Variants in ANO7 observed in about 807,000 individuals in gnomAD.
ANO7 encodes anoctamin-7.
In ANO7, 114 loss-of-function variants were observed where a neutral mutation model predicts 115.8. That is an observed-to-expected ratio of 0.98 (90% CI 0.85 to 1.15). ANO7 has a LOEUF of 1.15. ANO7 is among the 50% of genes most tolerant of loss of function. ANO7 has a pLI of 0.00. For synonymous variants in ANO7, 550 were observed against 498.2 expected (o/e 1.10, Z -1.38); for missense variants, 1,302 against 1,201.2 (o/e 1.08, Z -1.24).
chr2:241,193,168 C>T (rs1008321854), intron 3 of ANO7, among the ~76,000 whole-genome samples: 10 of 151,968 alleles, frequency 6.6e-5, no homozygotes, highest in African/African-American at 2.2e-4. Context: ...TGCCTCCCTT[C>T]GCACCATTCT....
At position 241,225,254 on chromosome 2, in the gene ANO7, G is replaced by C. The variant is rs1475082554; in HGVS notation, c.*1101G>C. 1 of 152,176 alleles carries C rather than the reference G, an allele frequency of 6.6e-6. No individual in the cohort carries two copies. Among genetic ancestry groups the C allele is most frequent in the Non-Finnish European group, 1.5e-5 (1 of 68,062 alleles). 9.4% of individuals were successfully genotyped at this position (152,176 alleles called of 1,614,324 possible). On this transcript the variant is annotated 3_prime_UTR_variant, in exon 25 of 25. Coordinates refer to ENST00000674324, the MANE Select transcript of ANO7 (RefSeq NM_001370694.2). ...GAATATGTGGTTTTTAGCTGAGCGT[G>C]GTGGCTCACACCTGTAATCCCAGGA...
At chr2:241,229,363 C>CGAAT, downstream of ANO7, 1 of 449,112 alleles carries the variant, frequency 2.2e-6, no homozygotes, top group African/African-American at 2.0e-5. Context: ...TATCTTAGCA[C>CGAAT]GAATGCTCAT....
At chr2:241,198,551 C>A (rs1335050533) in intron 4 of ANO7, among the ~76,000 whole-genome samples, 3 of 152,154 alleles carry the variant, frequency 2.0e-5, no homozygotes, top group Non-Finnish European at 4.4e-5. Context: ...CTGCGGTCTG[C>A]AGGACAGTTC....
At chr2:241,217,087 C>T (rs7558650) in intron 19 of ANO7, among the ~76,000 whole-genome samples, 1,550 of 152,334 alleles carry the variant, frequency 0.01, 20 homozygotes, top group African/African-American at 0.034. Context: ...CCTGCCTCAG[C>T]CTCCCAAAGT....
At chr2:241,212,063 A>T in intron 15 of ANO7, 31 bp from the exon 16 acceptor site, 1 of 1,600,236 alleles carries the variant, frequency 6.2e-7, no homozygotes, top group Non-Finnish European at 8.6e-7. Flanking sequence ...TGACTCCCCC[A>T]GGGACTGAGC....
the ANO7 span, chr2:241,236,784 G>C: frequency 6.2e-7 from 1 of 1,612,774 alleles, no homozygotes; most frequent in East Asian, 2.2e-5. Flanking sequence ...AGAGAAAGGG[G>C]AAAAGGGACA....
intron 6 of ANO7, among the ~76,000 whole-genome samples, chr2:241,200,668 C>T (rs757093370): frequency 2.0e-5 from 3 of 152,250 alleles, no homozygotes; most frequent in African/African-American, 7.2e-5. Flanking sequence ...TACTACTGGA[C>T]AAAGCCAGTT....
chr2:241,192,462 C>G (rs921449663), intron 3 of ANO7, among the ~76,000 whole-genome samples: 1 of 152,158 alleles, frequency 6.6e-6, no homozygotes, highest in Non-Finnish European at 1.5e-5. Context: ...CTTTTGCAGA[C>G]GCGCCTTCTC....
Position 241,224,546 on chromosome 2 carries a change from CT to C in ANO7, c.*395del. 1 of 238,436 alleles carries C rather than the reference CT, an allele frequency of 4.2e-6. No individual in the cohort carries two copies. Among genetic ancestry groups the C allele is most frequent in the Non-Finnish European group, 8.3e-6 (1 of 119,986 alleles). 14.8% of individuals were successfully genotyped at this position (238,436 alleles called of 1,614,324 possible). ...GCCCTCTCCTCTTACACCTGGTGAC[CT>C]TCGAATGTTTCAGAGCGCAGGGCCG... is the stretch of plus-strand genomic sequence containing the variant. On this transcript the variant is annotated 3_prime_UTR_variant, in exon 25 of 25. Transcript: ENST00000674324.
the ANO7 span, chr2:241,240,091 G>A: frequency 1.2e-6 from 2 of 1,614,152 alleles, no homozygotes; most frequent in Non-Finnish European, 1.7e-6. The surrounding 1 kb of genome is among the most constrained non-coding windows in gnomAD (Gnocchi z 5.5). Context: ...TTCTGGCTTG[G>A]CGCGGATGTC....
intron 11 of ANO7, among the ~76,000 whole-genome samples, chr2:241,208,264 G>A (rs1187727698): frequency 6.6e-6 from 1 of 152,268 alleles, no homozygotes; most frequent in Admixed American, 6.5e-5. Context: ...ACTTAAAACA[G>A]CAGAAGCTTA....
intron 5 of ANO7, 72 bp downstream of exon 5, chr2:241,199,495 G>T: frequency 1.3e-6 from 2 of 1,499,370 alleles, no homozygotes; most frequent in Non-Finnish European, 1.8e-6. Context: ...AGCTGCCAGT[G>T]CCGACAGCCT....
rs769482681 is a variant in ANO7, at chr2:241,209,419, G to C, written c.1212G>C (p.Glu404Asp). Residue 404 changes from glutamate (E) to aspartate (D), a missense_variant, in exon 12 of 25, where the codon GAG becomes GAC. By Grantham distance (45) the Glu-to-Asp change is conservative. Coordinates refer to ENST00000674324, the MANE Select transcript of ANO7 (RefSeq NM_001370694.2). Reference protein sequence around the residue: ...LAYRWDCSDYEDTEERPRPQF... With the variant: ...LAYRWDCSDYDDTEERPRPQF... ...ACCGCTGGGACTGCTCTGACTACGAGGACACTGAGGTGAGCCACCCCCGCT... is the reference window on the plus strand; with the variant it reads ...ACCGCTGGGACTGCTCTGACTACGACGACACTGAGGTGAGCCACCCCCGCT... 4 of 1,591,480 alleles carry C rather than the reference G, an allele frequency of 2.5e-6. No individual in the cohort carries two copies. Among genetic ancestry groups the C allele is most frequent in the Non-Finnish European group, 3.4e-6 (4 of 1,170,176 alleles).
At chr2:241,213,886 CTGGGGATGGAG>C (rs1335643322) in intron 17 of ANO7, among the ~76,000 whole-genome samples, 3 of 152,224 alleles carry the variant, frequency 2.0e-5, no homozygotes, top group Non-Finnish European at 2.9e-5. Flanking sequence ...AAAGGGAAGG[CTGGGGATGGAG>C]TGGGGAGTGT....
At chr2:241,216,870 G>A (rs1050703727) in intron 19 of ANO7, among the ~76,000 whole-genome samples, 2 of 152,212 alleles carry the variant, frequency 1.3e-5, no homozygotes, top group Admixed American at 1.3e-4. Context: ...GTCTCCCTCT[G>A]TCGCCCAGGC....
chr2:241,232,590 A>G, the ANO7 span, among the ~76,000 whole-genome samples: 1 of 152,164 alleles, frequency 6.6e-6, no homozygotes, highest in African/African-American at 2.4e-5. Flanking sequence ...ATGACTTTTA[A>G]GATTGATAAT....
intron 11 of ANO7, 116 bp from the exon 12 acceptor site, chr2:241,209,167 TAC>T (rs2068660558): frequency 2.4e-6 from 3 of 1,247,812 alleles, no homozygotes; most frequent in Non-Finnish European, 3.2e-6. Flanking sequence ...AAACAAAAAA[TAC>T]ACAGTCGGGG....
At chr2:241,238,540 G>T in the ANO7 span, 1 of 906,012 alleles carries the variant, frequency 1.1e-6, no homozygotes, top group Non-Finnish European at 1.6e-6. The surrounding 1 kb of genome is among the most constrained non-coding windows in gnomAD (Gnocchi z 4.9). Context: ...TACATAGATG[G>T]TTTTCCAGCA....
Position 241,210,280 on chromosome 2 carries a change from T to C in ANO7, c.1360-15T>C, listed in dbSNP as rs775134920. On this transcript the variant is annotated splice_polypyrimidine_tract_variant and intron_variant, in intron 13 of 24. Coordinates refer to ENST00000674324, the MANE Select transcript of ANO7 (RefSeq NM_001370694.2). ...GACACCGTGAAGGGTCTCACGGGCC[T>C]CCCTGCCCCCGCAGGTGGCCGTGGT... 2 of 1,613,156 alleles carry C rather than the reference T, an allele frequency of 1.2e-6. No individual in the cohort carries two copies. Among genetic ancestry groups the C allele is most frequent in the African/African-American group, 2.7e-5 (2 of 74,916 alleles).
Sources: gnomAD v4.1 joint callset for allele counts (sites outside exome capture counted in the v4.1 genomes callset) on GRCh38, gnomAD v4.1.1 for gene constraint, Gnocchi (gnomAD v3.1) non-coding constraint, MANE v1.5 for transcripts, NCBI Gene and HGNC (gene_info 2026-07-23, HGNC 2026-07-21) for gene names.